SLIT3: variants seen among roughly 807,000 people sequenced by gnomAD.
SLIT3 encodes slit homolog 3 protein.
In SLIT3, 68 loss-of-function variants were observed where a neutral mutation model predicts 184.0. The observed-to-expected ratio is 0.37, with a 90% confidence interval of 0.30 to 0.45. SLIT3 has a LOEUF of 0.45. SLIT3 is among the 20% of genes least tolerant of loss of function. SLIT3 has a pLI of 1.00. For synonymous variants in SLIT3, 831 were observed against 828.6 expected, an observed-to-expected ratio of 1.00 and a Z score of -0.05; for missense variants, 1,707 against 2,026.0, an observed-to-expected ratio of 0.84 and a Z score of 3.02.
At chr5:169,025,720 T>A (rs930678318) in intron 4 of SLIT3, among the ~76,000 whole-genome samples, 5 of 152,172 alleles carry the variant, frequency 3.3e-5, no homozygotes, top group African/African-American at 1.2e-4. Flanking sequence ...ACAAATGGTT[T>A]AACAGCAATG....
rs75270496 is a variant in SLIT3, at chr5:168,987,601, T to C, written c.414-104265A>G. Among the ~76,000 whole-genome samples the C allele has an allele frequency of 6.1e-3, 929 of 152,318 alleles. 11 individuals are homozygous for C. The highest frequency in any genetic ancestry group is 0.021 in the African/African-American group (880 of 41,568). Reference sequence around the variant, plus strand: ...AAGCGTATTTATCACATGCACACAGTAAAGCTCTACCCTTGGTAACATAAT... The same window carrying C: ...AAGCGTATTTATCACATGCACACAGCAAAGCTCTACCCTTGGTAACATAAT... On this transcript the variant is annotated intron_variant, in intron 4 of 35. Coordinates refer to ENST00000519560, the MANE Select transcript of SLIT3 (RefSeq NM_003062.4).
intron 3 of SLIT3, among the ~76,000 whole-genome samples, chr5:169,220,406 G>A (rs1764582375): frequency 6.6e-6 from 1 of 151,776 alleles, no homozygotes; most frequent in African/African-American, 2.4e-5. Context: ...TCAATCTACA[G>A]TAGGCCTTGG....
chr5:168,922,096 C>G (rs1285354119), intron 4 of SLIT3, among the ~76,000 whole-genome samples: 1 of 152,148 alleles, frequency 6.6e-6, no homozygotes, highest in Non-Finnish European at 1.5e-5. Context: ...TGGCCCCATG[C>G]TGCAGTGTTA....
At chr5:169,091,012 T>A (rs1340355037) in intron 4 of SLIT3, among the ~76,000 whole-genome samples, 1 of 152,196 alleles carries the variant, frequency 6.6e-6, no homozygotes, top group Non-Finnish European at 1.5e-5. Flanking sequence ...AAGCAGCTTA[T>A]TGCATTGTCT....
intron 6 of SLIT3, among the ~76,000 whole-genome samples, chr5:168,828,225 C>A (rs1282550751): frequency 6.6e-6 from 1 of 152,178 alleles, no homozygotes; most frequent in African/African-American, 2.4e-5. Context: ...CTTTCTGGAA[C>A]CTGCAATGCC....
At chr5:168,814,237 A>C (rs2113649575) in intron 8 of SLIT3, among the ~76,000 whole-genome samples, 1 of 152,242 alleles carries the variant, frequency 6.6e-6, no homozygotes, top group South Asian at 2.1e-4. Context: ...CGCTACTAAA[A>C]ATACAAAAAA....
At chr5:169,269,662 C>A (rs759453192) in intron 1 of SLIT3, among the ~76,000 whole-genome samples, 3 of 152,204 alleles carry the variant, frequency 2.0e-5, no homozygotes, top group African/African-American at 4.8e-5. Flanking sequence ...GTGGGACCAC[C>A]AACCCCATTC....
intron 4 of SLIT3, among the ~76,000 whole-genome samples, chr5:169,107,578 C>T (rs1303603379): frequency 2.0e-5 from 3 of 152,286 alleles, no homozygotes; most frequent in East Asian, 1.9e-4. Context: ...GGAGGCATGG[C>T]GGGGCTTTTT....
At chr5:168,861,931 C>CCCCTTTTAACATTA (rs1759125089) in intron 5 of SLIT3, among the ~76,000 whole-genome samples, 1 of 152,166 alleles carries the variant, frequency 6.6e-6, no homozygotes. Context: ...CAATGATGTA[C>CCCCTTTTAACATTA]CCCTTTTAAC....
chr5:169,226,463 C>G (rs1244680919), intron 3 of SLIT3, among the ~76,000 whole-genome samples: 1 of 152,140 alleles, frequency 6.6e-6, no homozygotes, highest in Non-Finnish European at 1.5e-5. Context: ...CTAAGAGGGG[C>G]CTGAGCTTTG....
intron 1 of SLIT3, among the ~76,000 whole-genome samples, chr5:169,254,870 A>T (rs564356106): frequency 6.0e-4 from 92 of 152,254 alleles, no homozygotes; most frequent in Non-Finnish European, 1.0e-3. Context: ...CTTATGAGAA[A>T]CTCTAAGCCA....
At chr5:168,712,558 T>G (rs754770428) in intron 23 of SLIT3, 1 of 575,548 alleles carries the variant, frequency 1.7e-6, no homozygotes, top group Non-Finnish European at 3.1e-6. Flanking sequence ...AGTAGAGGGT[T>G]TGCGGAAGAA....
chr5:168,724,323 C>T, intron 21 of SLIT3, 93 bp downstream of exon 21: 3 of 968,658 alleles, frequency 3.1e-6, no homozygotes, highest in Non-Finnish European at 3.1e-6. Flanking sequence ...TTGCATCAGC[C>T]TGCAGCTCTG....
At chr5:168,703,244 G>A (rs866018012) in intron 26 of SLIT3, among the ~76,000 whole-genome samples, 2 of 137,526 alleles carry the variant, frequency 1.5e-5, no homozygotes, top group East Asian at 2.0e-4. Context: ...GTGTGTGTGT[G>A]TGTGTGTGTG....
chr5:168,998,210 C>T (rs1176835173), intron 4 of SLIT3, among the ~76,000 whole-genome samples: 1 of 152,178 alleles, frequency 6.6e-6, no homozygotes, highest in Non-Finnish European at 1.5e-5. Flanking sequence ...TGGCTTAAAA[C>T]ACATGAAACA....
At chr5:169,239,026 A>C (rs997187755) in intron 3 of SLIT3, among the ~76,000 whole-genome samples, 1 of 152,134 alleles carries the variant, frequency 6.6e-6, no homozygotes, top group Non-Finnish European at 1.5e-5. Flanking sequence ...ATACCACAAC[A>C]GTCTTGAAAC....
At chr5:169,265,084 G>A (rs550419854) in intron 1 of SLIT3, among the ~76,000 whole-genome samples, 1 of 152,300 alleles carries the variant, frequency 6.6e-6, no homozygotes, top group East Asian at 1.9e-4. Context: ...TGGGCATGGG[G>A]TCTCTTTTCC....
chr5:169,293,998 G>GGA (rs1235606267), intron 1 of SLIT3, among the ~76,000 whole-genome samples: 33 of 152,294 alleles, frequency 2.2e-4, no homozygotes, highest in African/African-American at 7.7e-4. Flanking sequence ...GAGAGCACGG[G>GGA]GAGCTCAGCA....
intron 4 of SLIT3, among the ~76,000 whole-genome samples, chr5:169,113,131 C>T (rs1007473554): frequency 2.6e-5 from 4 of 152,122 alleles, no homozygotes; most frequent in African/African-American, 9.7e-5. Context: ...GTACATTCGC[C>T]TTGTTGTGCA....
Sources: gnomAD v4.1 joint callset for allele counts (sites outside exome capture counted in the v4.1 genomes callset) on GRCh38, gnomAD v4.1.1 for gene constraint, MANE v1.5 for transcripts, NCBI Gene and HGNC (gene_info 2026-07-23, HGNC 2026-07-21) for gene names.